Variants in ALKBH2 observed in about 807,000 individuals in gnomAD.
ALKBH2 encodes alkB homolog 2, alpha-ketoglutarate dependent dioxygenase, also known as DNA oxidative demethylase ALKBH2.
A neutral mutation model predicts 19.7 loss-of-function variants in ALKBH2; 19 were observed. The ratio of observed to expected loss-of-function variants is 0.97; its 90% confidence interval spans 0.67 to 1.42. The LOEUF (loss-of-function observed/expected upper bound fraction) is 1.42, where lower values mean the gene tolerates loss of function less well. Among genes scored for constraint, ALKBH2 ranks in the 40% most tolerant of loss-of-function variants. The pLI is 0.00. For synonymous variants in ALKBH2, 135 were observed against 131.2 expected (o/e 1.03, Z -0.20); for missense variants, 310 against 328.5 (o/e 0.94, Z 0.43).
rs1458121106 is a variant in ALKBH2, at chr12:109,088,763, G to A, written c.480-251C>T. Among the ~76,000 whole-genome samples, 1 of 152,184 alleles carries A rather than the reference G, an allele frequency of 6.6e-6. No individual in the cohort carries two copies. The highest frequency in any genetic ancestry group is 1.9e-4 in the East Asian group (1 of 5,202). On this transcript the variant is annotated intron_variant, in intron 3 of 3. Transcript: ENST00000429722. This position sits in a 1 kb window ranked among gnomAD's most constrained non-coding sequence, Gnocchi z 4.2. The stretch of plus-strand genomic sequence containing the variant: ...AGGGTCTCGCTCTGTCACCCAGGCT[G>A]AAGTGCAGTGGCACAATCATAGCTC...
rs2042036444 is a variant in ALKBH2 at position 109,089,995 on chromosome 12, A to C, written c.479+14T>G. ...GAAGACTTGTAACATTGAGTCCACT[A>C]AACAGGGTGTCACCTGTTGATGAGC... is the stretch of plus-strand genomic sequence containing the variant. On this transcript the variant is annotated intron_variant, in intron 3 of 3. Transcript: ENST00000429722. 6.2e-7 allele frequency: 1 copy of C among 1,613,396 alleles called. No individual in the cohort carries two copies. The highest frequency in any genetic ancestry group is 8.5e-7 in the Non-Finnish European group (1 of 1,179,356).
In ALKBH2 at chr12:109,092,626, CCTG is replaced by C; in HGVS notation, c.158_160del (p.Ala53del). On this transcript the variant is annotated inframe_deletion, in exon 2 of 4. Transcript: ENST00000429722. The stretch of plus-strand genomic sequence containing the variant: ...AGCCCGAATGTGCCGCCAGCTAGGG[CCTG>C]CTGAGTGGCCTCCATTCCCTGGGGC... The C allele has an allele frequency of 6.2e-7, 1 of 1,614,220 alleles. No individual in the cohort carries two copies. The highest frequency in any genetic ancestry group is 8.5e-7 in the Non-Finnish European group (1 of 1,180,032).
In ALKBH2 at chr12:109,088,231, C is replaced by T. The variant is rs1324229199; in HGVS notation, c.761G>A (p.Arg254His). Residue 254 changes from arginine to histidine, a missense_variant, in exon 4 of 4, where the codon CGT becomes CAT. Arg to His is a conservative substitution (Grantham distance 29). Transcript: ENST00000429722. This position sits in a 1 kb window ranked among gnomAD's most constrained non-coding sequence, Gnocchi z 4.2. ...VLAPRVNLTF[R>H]KILLTKK The stretch of plus-strand genomic sequence containing the variant: ...TTATTTTTTAGTAAGCAAAATTTTA[C>T]GAAAAGTCAGATTCACCCGTGGAGC... The T allele has an allele frequency of 2.5e-6, 4 of 1,590,900 alleles. No homozygotes were observed. Among genetic ancestry groups the T allele is most frequent in the African/African-American group, 1.4e-5 (1 of 74,058 alleles).
chr12:109,090,008 C>T lies in ALKBH2; in HGVS notation c.479+1G>A. ...ATTGAGTCCACTAAACAGGGTGTCA[C>T]CTGTTGATGAGCACAAAGTTGAAGG... On this transcript the variant is annotated splice_donor_variant, in intron 3 of 3. Transcript: ENST00000429722. LOFTEE classifies it high-confidence loss of function. 1 of 1,614,156 alleles carries T rather than the reference C, an allele frequency of 6.2e-7. No individual in the cohort carries two copies. The highest frequency in any genetic ancestry group is 1.1e-5 in the South Asian group (1 of 91,086).
In ALKBH2 at chr12:109,088,192, TG is replaced by T; in HGVS notation, c.*13del. 2 of 1,582,142 alleles carry T rather than the reference TG, an allele frequency of 1.3e-6. No individual in the cohort carries two copies. The highest frequency in any genetic ancestry group is 1.7e-6 in the Non-Finnish European group (2 of 1,164,708). On this transcript the variant is annotated 3_prime_UTR_variant, in exon 4 of 4. Coordinates refer to ENST00000429722, the MANE Select transcript of ALKBH2 (RefSeq NM_001145374.2). This position sits in a 1 kb window ranked among gnomAD's most constrained non-coding sequence, Gnocchi z 4.2. ...AGAGGGAAAGAGAAAAGAGAAAAAC[TG>T]TTAAAAATGTTTTTATTTTTTAGTA...
chr12:109,091,851 C>T (rs1316449319), intron 2 of ALKBH2, among the ~76,000 whole-genome samples: 2 of 152,182 alleles, frequency 1.3e-5, no homozygotes, highest in African/African-American at 4.8e-5. Flanking sequence ...CGCCTAGCTT[C>T]CTGTGGGCTT....
chr12:109,092,971 G>A (rs1357901965), intron 1 of ALKBH2, 34 bp from the exon 2 acceptor site: 3 of 1,389,758 alleles, frequency 2.2e-6, no homozygotes, highest in Non-Finnish European at 1.9e-6. Context: ...AAAGCCGGAA[G>A]GGACCCTAGG....
intron 2 of ALKBH2, among the ~76,000 whole-genome samples, chr12:109,091,010 T>G (rs572848707): frequency 1.3e-5 from 2 of 152,348 alleles, no homozygotes; most frequent in African/African-American, 2.4e-5. Flanking sequence ...CAGGCTAGGA[T>G]AGCTTGTCAA....
At chr12:109,091,701 C>T (rs1231269566) in intron 2 of ALKBH2, among the ~76,000 whole-genome samples, 1 of 113,688 alleles carries the variant, frequency 8.8e-6, no homozygotes, top group African/African-American at 2.6e-5. Context: ...CTACGCACAG[C>T]TCATTTTTTG....
chr12:109,089,892 C>T (rs914306530), intron 3 of ALKBH2, 117 bp downstream of exon 3: 10 of 1,092,616 alleles, frequency 9.2e-6, no homozygotes, highest in Middle Eastern at 5.1e-4. Flanking sequence ...ACTCTTAGAG[C>T]CCCAGTGTAC....
intron 2 of ALKBH2, 126 bp downstream of exon 2, chr12:109,092,381 A>C: frequency 7.5e-7 from 1 of 1,331,708 alleles, no homozygotes; most frequent in South Asian, 1.7e-5. Flanking sequence ...ATATTGGATG[A>C]ATCCATTAGT....
At chr12:109,091,340 C>T (rs1449491340) in intron 2 of ALKBH2, among the ~76,000 whole-genome samples, 1 of 152,092 alleles carries the variant, frequency 6.6e-6, no homozygotes, top group East Asian at 1.9e-4. Context: ...GAGCCAAGAT[C>T]GTGCCCCTGC....
rs1350374461 is a variant in ALKBH2, at chr12:109,089,998, C to G, written c.479+11G>C. 3.1e-6 allele frequency: 5 copies of G among 1,613,906 alleles called. No homozygotes were observed. The highest frequency in any genetic ancestry group is 4.2e-6 in the Non-Finnish European group (5 of 1,179,926). The stretch of plus-strand genomic sequence containing the variant: ...GACTTGTAACATTGAGTCCACTAAA[C>G]AGGGTGTCACCTGTTGATGAGCACA... On this transcript the variant is annotated intron_variant, in intron 3 of 3. Transcript: ENST00000429722.
chr12:109,091,120 G>A (rs891459689), intron 2 of ALKBH2, among the ~76,000 whole-genome samples: 1 of 152,154 alleles, frequency 6.6e-6, no homozygotes, highest in Non-Finnish European at 1.5e-5. Flanking sequence ...TGAGCCAGGC[G>A]CGCTGGCTCA....
At position 109,092,621 on chromosome 12, in the gene ALKBH2, T is replaced by G. The variant is rs765340945; in HGVS notation, c.166A>C (p.Ser56Arg). Residue 56 changes from serine (S) to arginine (R), a missense_variant, in exon 2 of 4, where the codon AGC (serine) becomes CGC (arginine). Transcript: ENST00000429722. ...CCCTCAGCCCGAATGTGCCGCCAGC[T>G]AGGGCCTGCTGAGTGGCCTCCATTC... Reference protein sequence around the residue: ...PGNGGHSAGPSWRHIRAEGLD... With the variant: ...PGNGGHSAGPRWRHIRAEGLD... 6.2e-7 allele frequency: 1 copy of G among 1,614,196 alleles called. No individual in the cohort carries two copies. The highest frequency in any genetic ancestry group is 8.5e-7 in the Non-Finnish European group (1 of 1,180,022).
Position 109,092,890 on chromosome 12 carries a change from G to A in ALKBH2, c.-104C>T, listed in dbSNP as rs2042086361. ...ATCTGTTTGTCCAAGGGGTCTCACA[G>A]CAACATTCCTAGTTTCACATTTTCA... On this transcript the variant is annotated 5_prime_UTR_variant, in exon 2 of 4. Transcript: ENST00000429722. 13 of 1,503,170 alleles carry A rather than the reference G, an allele frequency of 8.6e-6. No homozygotes were observed. Among genetic ancestry groups the A allele is most frequent in the Middle Eastern group, 2.1e-4 (1 of 4,690 alleles). The allele number at this position is 1,503,170 out of a possible 1,614,324, so 93.1% of individuals were successfully genotyped here.
chr12:109,093,357 T>G lies in ALKBH2; in HGVS notation c.-262A>C, dbSNP rs1377047290. ...AACACGGGTAAACCGCACGCAAAAT[T>G]CTGATATCACTGCAACACGTCCGTG... On this transcript the variant is annotated 5_prime_UTR_variant, in exon 1 of 4. Transcript: ENST00000429722. 1 of 152,542 alleles carries G rather than the reference T, an allele frequency of 6.6e-6. No homozygotes were observed. The highest frequency in any genetic ancestry group is 1.9e-4 in the East Asian group (1 of 5,190). The allele number at this position is 152,542 out of a possible 1,614,324, so 9.4% of individuals were successfully genotyped here.
chr12:109,091,558 GAC>G (rs768470476), intron 2 of ALKBH2, among the ~76,000 whole-genome samples: 94 of 152,050 alleles, frequency 6.2e-4, no homozygotes, highest in African/African-American at 1.7e-3. Context: ...TTTGTTTTGA[GAC>G]ACAGTCTCAC....
At chr12:109,089,757 AAAAG>A (rs560612166) in intron 3 of ALKBH2, 115 of 510,150 alleles carry the variant, frequency 2.3e-4, no homozygotes, top group South Asian at 7.4e-4. Flanking sequence ...TCAAAAAAAA[AAAAG>A]AAAGAAAAAG....
Sources: gnomAD v4.1 joint callset for allele counts (sites outside exome capture counted in the v4.1 genomes callset) on GRCh38, gnomAD v4.1.1 for gene constraint, Gnocchi (gnomAD v3.1) non-coding constraint, MANE v1.5 for transcripts, NCBI Gene and HGNC (gene_info 2026-07-23, HGNC 2026-07-21) for gene names.